LHFPL3: variants seen among roughly 807,000 people sequenced by gnomAD.
The protein encoded by LHFPL3 is LHFPL tetraspan subfamily member 3, also known as LHFPL tetraspan subfamily member 3 protein.
LHFPL3 carries 5 observed loss-of-function variants against 19.3 expected under a neutral mutation model. The observed-to-expected ratio is 0.26, with a 90% CI of 0.14 to 0.54. The LOEUF is 0.54. Among genes scored for constraint, LHFPL3 ranks in the 20% least tolerant of loss-of-function variants. LHFPL3 has a pLI of 0.94. For synonymous variants in LHFPL3, 133 were observed against 126.2 expected (o/e 1.05, Z -0.36); for missense variants, 249 against 307.4 (o/e 0.81, Z 1.42).
At chr7:104,589,461 C>T (rs1232452312) in intron 1 of LHFPL3, among the ~76,000 whole-genome samples, 1 of 152,192 alleles carries the variant, frequency 6.6e-6, no homozygotes, top group African/African-American at 2.4e-5. Flanking sequence ...AGTGATGAAA[C>T]CAACTTGATC....
intron 2 of LHFPL3, among the ~76,000 whole-genome samples, chr7:104,750,168 G>A (rs1794135155): frequency 1.3e-5 from 2 of 152,176 alleles, no homozygotes; most frequent in African/African-American, 2.4e-5. Flanking sequence ...ACACTTCTGA[G>A]GCTGTGCCTA....
intron 2 of LHFPL3, among the ~76,000 whole-genome samples, chr7:104,804,487 G>T (rs537602775): frequency 6.6e-6 from 1 of 152,184 alleles, no homozygotes; most frequent in South Asian, 2.1e-4. Context: ...CACCCTTGAG[G>T]GTGGGCAAGA....
At chr7:104,487,632 T>C (rs11762662) in intron 1 of LHFPL3, among the ~76,000 whole-genome samples, 41,113 of 152,176 alleles carry the variant, frequency 0.27, 6,555 homozygotes, top group Non-Finnish European at 0.37. Flanking sequence ...AGGAATCATT[T>C]TTCTTTCCTC....
At chr7:104,395,032 G>T (rs181207220) in intron 1 of LHFPL3, among the ~76,000 whole-genome samples, 1 of 151,884 alleles carries the variant, frequency 6.6e-6, no homozygotes, top group Admixed American at 6.6e-5. Flanking sequence ...CCAAGCTACC[G>T]TATGCTGTAA....
At chr7:104,436,288 C>T (rs1792104067) in intron 1 of LHFPL3, among the ~76,000 whole-genome samples, 1 of 152,080 alleles carries the variant, frequency 6.6e-6, no homozygotes, top group South Asian at 2.1e-4. Flanking sequence ...TTGGTCTAGG[C>T]ATTTTGCATG....
chr7:104,509,706 A>C (rs1168040533), intron 1 of LHFPL3, among the ~76,000 whole-genome samples: 1 of 152,124 alleles, frequency 6.6e-6, no homozygotes, highest in Non-Finnish European at 1.5e-5. Flanking sequence ...CACCACCCTT[A>C]TTCAACATAG....
At chr7:104,480,632 C>A (rs181586029) in intron 1 of LHFPL3, among the ~76,000 whole-genome samples, 13 of 152,222 alleles carry the variant, frequency 8.5e-5, no homozygotes, top group African/African-American at 3.1e-4. Context: ...TGCTTTGAAT[C>A]ACTTCATTAG....
intron 1 of LHFPL3, among the ~76,000 whole-genome samples, chr7:104,687,210 A>C (rs1792823143): frequency 6.6e-6 from 1 of 152,238 alleles, no homozygotes; most frequent in African/African-American, 2.4e-5. Flanking sequence ...ATTATAAAGG[A>C]TATTATAAAA....
chr7:104,780,901 C>T (rs757209119), intron 2 of LHFPL3, among the ~76,000 whole-genome samples: 4 of 152,202 alleles, frequency 2.6e-5, no homozygotes, highest in Non-Finnish European at 5.9e-5. Context: ...TGATCAAGAC[C>T]TTGATCCCTC....
chr7:104,585,148 C>T (rs566689921), intron 1 of LHFPL3, among the ~76,000 whole-genome samples: 16 of 152,080 alleles, frequency 1.1e-4, no homozygotes, highest in African/African-American at 3.1e-4. Flanking sequence ...CCTCCTTTTC[C>T]TCCTCCTACT....
rs142474840 is a variant in LHFPL3, at chr7:104,719,124, T to C, written c.446-17551T>C. 4.7e-3 allele frequency among the ~76,000 whole-genome samples: 712 copies of C among 152,314 alleles called. 5 individuals are homozygous for C. Among genetic ancestry groups the C allele is most frequent in the African/African-American group, 0.016 (680 of 41,568 alleles). ...AAAATTTTTATTAAAACAATGTGTT[T>C]ACTGAAATCCAAAGAAGTTACTTTC... On this transcript the variant is annotated intron_variant, in intron 1 of 2. Coordinates refer to ENST00000424859, the MANE Select transcript of LHFPL3 (RefSeq NM_199000.3).
At chr7:104,594,900 G>T (rs1790809544) in intron 1 of LHFPL3, among the ~76,000 whole-genome samples, 1 of 151,896 alleles carries the variant, frequency 6.6e-6, no homozygotes, top group Non-Finnish European at 1.5e-5. Flanking sequence ...GGTCATTTAA[G>T]GTCTTCCCTA....
intron 2 of LHFPL3, among the ~76,000 whole-genome samples, chr7:104,881,691 G>A (rs779869664): frequency 1.3e-5 from 2 of 152,218 alleles, no homozygotes; most frequent in Non-Finnish European, 2.9e-5. Context: ...TAAAGCAGCA[G>A]CAGGGTTTGA....
At chr7:104,331,608 CATT>C (rs1364742108) in intron 1 of LHFPL3, among the ~76,000 whole-genome samples, 1 of 152,144 alleles carries the variant, frequency 6.6e-6, no homozygotes, top group African/African-American at 2.4e-5. Context: ...AATTAAGTCT[CATT>C]ATACTAACAA....
At chr7:104,735,273 G>T (rs1003800707) in intron 1 of LHFPL3, among the ~76,000 whole-genome samples, 1 of 152,260 alleles carries the variant, frequency 6.6e-6, no homozygotes, top group Non-Finnish European at 1.5e-5. Context: ...AGTCTGCAGA[G>T]CTTTCTGCTG....
chr7:104,526,184 C>G (rs1460953746), intron 1 of LHFPL3, among the ~76,000 whole-genome samples: 2 of 152,132 alleles, frequency 1.3e-5, no homozygotes, highest in African/African-American at 2.4e-5. Flanking sequence ...TTTGAAAATT[C>G]AGATTTGCAG....
At chr7:104,836,666 G>A (rs980888335) in intron 2 of LHFPL3, among the ~76,000 whole-genome samples, 2 of 152,138 alleles carry the variant, frequency 1.3e-5, no homozygotes, top group African/African-American at 4.8e-5. Context: ...CTACATTCTG[G>A]CACTCTGTTT....
intron 1 of LHFPL3, among the ~76,000 whole-genome samples, chr7:104,524,513 G>A (rs1562925440): frequency 1.3e-5 from 2 of 152,100 alleles, no homozygotes. Context: ...AGTGTCTAAA[G>A]TACAAACCCT....
intron 1 of LHFPL3, among the ~76,000 whole-genome samples, chr7:104,575,537 G>GCTGATAGT (rs1348565373): frequency 1.6e-5 from 2 of 122,898 alleles, no homozygotes; most frequent in Non-Finnish European, 3.2e-5. Context: ...AGTGAGAACA[G>GCTGATAGT]CTGATAGTGT....
Sources: gnomAD v4.1 joint callset for allele counts (sites outside exome capture counted in the v4.1 genomes callset) on GRCh38, gnomAD v4.1.1 for gene constraint, MANE v1.5 for transcripts, NCBI Gene and HGNC (gene_info 2026-07-23, HGNC 2026-07-21) for gene names.